TBC1D32: variants seen among roughly 807,000 people sequenced by gnomAD.
TBC1D32 encodes TBC1 domain family member 32, also known as protein broad-minded.
A neutral mutation model predicts 170.3 loss-of-function variants in TBC1D32; 151 were observed. The ratio of observed to expected loss-of-function variants is 0.89; its 90% confidence interval spans 0.78 to 1.01. The LOEUF (loss-of-function observed/expected upper bound fraction) is 1.01. Among genes scored for constraint, TBC1D32 ranks in the 50% least tolerant of loss-of-function variants. The pLI, the probability that TBC1D32 is intolerant of heterozygous loss-of-function variation, is 0.00. For missense variants in TBC1D32, 1,464 were observed against 1,457.1 expected, an observed-to-expected ratio of 1.00 and a Z score of -0.08; for synonymous variants, 498 against 488.0, an observed-to-expected ratio of 1.02 and a Z score of -0.27.
At position 121,170,545 on chromosome 6, in the gene TBC1D32, A is replaced by C. The variant is rs769774600; in HGVS notation, c.2571-9489T>G. The C allele has an allele frequency of 3.2e-5, 48 of 1,485,690 alleles. No homozygotes were observed. The Middle Eastern group carries it at 1.3e-3, about 39-fold the overall frequency. The allele number at this position is 1,485,690 out of a possible 1,614,324, so 92.0% of individuals were successfully genotyped here. ...TTAATAACCTATATAAAAAAGAAAAATAAACGTAGATTGTGTAAAATATGT... is the reference window on the plus strand; with the variant it reads ...TTAATAACCTATATAAAAAAGAAAACTAAACGTAGATTGTGTAAAATATGT... On this transcript the variant is annotated intron_variant, in intron 22 of 31. Coordinates refer to ENST00000398212, the MANE Select transcript of TBC1D32 (RefSeq NM_152730.6).
chr6:121,103,755 A>G (rs117601823), intron 30 of TBC1D32, among the ~76,000 whole-genome samples: 2,404 of 152,002 alleles, frequency 0.016, 28 homozygotes, highest in Non-Finnish European at 0.023. Context: ...TATATGGTAG[A>G]GATTTATAAA....
chr6:121,326,726 C>T (rs1285275449), intron 1 of TBC1D32, among the ~76,000 whole-genome samples: 1 of 151,734 alleles, frequency 6.6e-6, no homozygotes, highest in Non-Finnish European at 1.5e-5. Flanking sequence ...AGGGTTAAAT[C>T]TTGTCTTAAG....
chr6:121,149,877 T>C (rs887854641), intron 24 of TBC1D32, among the ~76,000 whole-genome samples: 5 of 152,232 alleles, frequency 3.3e-5, no homozygotes, highest in African/African-American at 7.2e-5. Context: ...TATTGATTAT[T>C]CCTATGCATG....
At chr6:121,289,554 G>A (rs565766628) in intron 12 of TBC1D32, among the ~76,000 whole-genome samples, 16 of 152,142 alleles carry the variant, frequency 1.1e-4, no homozygotes, top group Non-Finnish European at 1.9e-4. Context: ...AATCAATATC[G>A]TGACAATGGC....
At chr6:121,208,491 T>G (rs1263951268) in intron 21 of TBC1D32, among the ~76,000 whole-genome samples, 1 of 151,794 alleles carries the variant, frequency 6.6e-6, no homozygotes, top group Non-Finnish European at 1.5e-5. Flanking sequence ...TTCAGTTACC[T>G]CCTGTCAAGC....
intron 31 of TBC1D32, among the ~76,000 whole-genome samples, chr6:121,089,375 T>C (rs1429613393): frequency 6.6e-6 from 1 of 152,120 alleles, no homozygotes; most frequent in East Asian, 1.9e-4. Flanking sequence ...TAGAGAATTA[T>C]GGGTTGGGGG....
chr6:121,092,742 A>G (rs1248003438), intron 30 of TBC1D32, among the ~76,000 whole-genome samples: 1 of 152,078 alleles, frequency 6.6e-6, no homozygotes, highest in Non-Finnish European at 1.5e-5. Context: ...TTCCGCTTTA[A>G]TAAAGACACT....
rs939788796 is a variant in TBC1D32, at chr6:121,318,688, CAT to C, written c.318-1018_318-1017del. On this transcript the variant is annotated intron_variant, in intron 2 of 31. Coordinates refer to ENST00000398212, the MANE Select transcript of TBC1D32 (RefSeq NM_152730.6). ...AAAATACAATCTAGCTAACCTATTT[CAT>C]ATGACTATAGCAAGAAATAAACATA... 5.9e-5 allele frequency among the ~76,000 whole-genome samples: 9 copies of C among 151,694 alleles called. No homozygotes were observed. In the East Asian group the frequency reaches 1.6e-3, roughly 26 times the overall value.
At chr6:121,233,181 T>C (rs1410698787) in intron 20 of TBC1D32, among the ~76,000 whole-genome samples, 1 of 152,164 alleles carries the variant, frequency 6.6e-6, no homozygotes, top group Non-Finnish European at 1.5e-5. Context: ...ATGTATATTC[T>C]GTAGTTGTTC....
chr6:121,160,685 A>G (rs1034267013), intron 23 of TBC1D32, among the ~76,000 whole-genome samples: 25 of 152,214 alleles, frequency 1.6e-4, no homozygotes, highest in South Asian at 6.2e-4. Flanking sequence ...CGCATAAGAA[A>G]AATAACTTTT....
At chr6:121,212,539 C>G (rs1562929453) in intron 21 of TBC1D32, among the ~76,000 whole-genome samples, 1 of 146,600 alleles carries the variant, frequency 6.8e-6, no homozygotes, top group Non-Finnish European at 1.5e-5. Context: ...ACTGCAATCT[C>G]TGCCTCCCAG....
chr6:121,155,973 T>G (rs1676392741), intron 24 of TBC1D32, among the ~76,000 whole-genome samples: 1 of 152,078 alleles, frequency 6.6e-6, no homozygotes, highest in Admixed American at 6.6e-5. Flanking sequence ...TGGCCTAAAG[T>G]TTCTTTTTTT....
At chr6:121,223,868 T>C (rs907156506) in intron 20 of TBC1D32, among the ~76,000 whole-genome samples, 11 of 152,184 alleles carry the variant, frequency 7.2e-5, no homozygotes, top group Admixed American at 4.6e-4. Flanking sequence ...ACCCATTTTC[T>C]GGTGCAATTT....
chr6:121,297,905 A>G (rs1466661444), intron 10 of TBC1D32, among the ~76,000 whole-genome samples: 3 of 152,106 alleles, frequency 2.0e-5, no homozygotes, highest in Non-Finnish European at 2.9e-5. Flanking sequence ...GAGAGCACTG[A>G]TGAGAAGCTA....
In TBC1D32 at chr6:121,106,047, G is replaced by A. The variant is rs775718602; in HGVS notation, c.3441C>T (p.His1147=). Residue 1147 remains histidine, a synonymous_variant, in exon 30 of 32, where the codon CAC becomes CAT. Transcript: ENST00000398212. ...AELPLVFSAF[H]MSGFAPSQIC... The stretch of plus-strand genomic sequence containing the variant: ...CCTGTGATGGTGCAAAACCAGACAT[G>A]TGAAAAGCTGAAAACACAAGAGGCA... 1.2e-6 allele frequency: 2 copies of A among 1,607,540 alleles called. No individual in the cohort carries two copies. Among genetic ancestry groups the A allele is most frequent in the East Asian group, 4.5e-5 (2 of 44,806 alleles).
intron 4 of TBC1D32, among the ~76,000 whole-genome samples, chr6:121,309,842 T>C (rs1354518275): frequency 1.3e-5 from 2 of 152,116 alleles, no homozygotes; most frequent in African/African-American, 4.8e-5. Flanking sequence ...GAGATCTTCC[T>C]AAGTGATGTG....
intron 1 of TBC1D32, among the ~76,000 whole-genome samples, chr6:121,325,055 C>CAA (rs985700308): frequency 6.6e-6 from 1 of 151,784 alleles, no homozygotes; most frequent in African/African-American, 2.4e-5. Context: ...ACTAAAAATA[C>CAA]AAAAAAATTA....
intron 24 of TBC1D32, among the ~76,000 whole-genome samples, chr6:121,145,701 TG>T (rs1250569746): frequency 2.0e-5 from 3 of 152,104 alleles, no homozygotes; most frequent in African/African-American, 7.2e-5. Flanking sequence ...CAAAACATGT[TG>T]TACATGATAA....
intron 25 of TBC1D32, among the ~76,000 whole-genome samples, chr6:121,130,354 C>T (rs1185105558): frequency 1.3e-5 from 2 of 151,984 alleles, no homozygotes; most frequent in East Asian, 1.9e-4. Context: ...TCGTGACATG[C>T]GCCTGTAATC....
Sources: gnomAD v4.1 joint callset for allele counts (sites outside exome capture counted in the v4.1 genomes callset) on GRCh38, gnomAD v4.1.1 for gene constraint, MANE v1.5 for transcripts, NCBI Gene and HGNC (gene_info 2026-07-23, HGNC 2026-07-21) for gene names.